Variants in CFDP1 observed in about 807,000 individuals in gnomAD.
CFDP1 encodes chromatin remodeling protein CFDP1.
CFDP1 carries 31 observed loss-of-function variants against 40.1 expected under a neutral mutation model. The ratio of observed to expected loss-of-function variants is 0.77; its 90% CI spans 0.58 to 1.04. The LOEUF (loss-of-function observed/expected upper bound fraction) is 1.04, where lower values mean the gene tolerates loss of function less well. CFDP1 is among the 50% of genes least tolerant of loss of function. The probability of loss-of-function intolerance (pLI) is 0.00; values close to 1 mark genes in which losing one functional copy is unlikely to be tolerated. For synonymous variants in CFDP1, 167 were observed against 120.0 expected (o/e 1.39, Z -2.56); for missense variants, 423 against 343.4 (o/e 1.23, Z -1.83).
At chr16:75,297,800 C>A (rs929437985) in intron 6 of CFDP1, among the ~76,000 whole-genome samples, 3 of 152,216 alleles carry the variant, frequency 2.0e-5, no homozygotes, top group Admixed American at 1.3e-4. Context: ...TCTTTTGAAT[C>A]TTCCAACCCA....
At chr16:75,339,994 T>C (rs1469586385) in intron 5 of CFDP1, among the ~76,000 whole-genome samples, 1 of 152,246 alleles carries the variant, frequency 6.6e-6, no homozygotes, top group Non-Finnish European at 1.5e-5. Context: ...TTATGATTTT[T>C]CTGGTTTTGT....
chr16:75,333,131 T>C (rs970987494), intron 5 of CFDP1, among the ~76,000 whole-genome samples: 11 of 145,550 alleles, frequency 7.6e-5, no homozygotes, highest in Admixed American at 6.9e-4. Context: ...TCTTTTTTTT[T>C]TTTTTTTTTT....
At chr16:75,425,736 TAAA>T (rs1168883052) in intron 1 of CFDP1, among the ~76,000 whole-genome samples, 1 of 151,612 alleles carries the variant, frequency 6.6e-6, no homozygotes, top group Non-Finnish European at 1.5e-5. Flanking sequence ...ACTGATTTTT[TAAA>T]AAAGTAAATG....
At chr16:75,358,197 G>C (rs1475350073) in intron 5 of CFDP1, among the ~76,000 whole-genome samples, 1 of 152,138 alleles carries the variant, frequency 6.6e-6, no homozygotes, top group Non-Finnish European at 1.5e-5. Context: ...AAATAGGACA[G>C]AGACATGAAG....
intron 5 of CFDP1, among the ~76,000 whole-genome samples, chr16:75,367,587 G>A (rs578182255): frequency 2.5e-4 from 38 of 152,114 alleles, no homozygotes; most frequent in African/African-American, 8.7e-4. Context: ...GAGGATAGGA[G>A]TTCAAGACCA....
Position 75,433,383 on chromosome 16 carries a change from C to A in CFDP1, c.-31G>T, listed in dbSNP as rs772105914. On this transcript the variant is annotated 5_prime_UTR_variant, in exon 1 of 7. Transcript: ENST00000283882. ...TGCCGCTCGACGCTGGTCAAACTCACAAGACCGCAGCAGCCGCCTCCAACG... is the reference window on the plus strand; with the variant it reads ...TGCCGCTCGACGCTGGTCAAACTCAAAAGACCGCAGCAGCCGCCTCCAACG... 1.9e-5 allele frequency: 30 copies of A among 1,571,226 alleles called. No individual in the cohort carries two copies. Among genetic ancestry groups the A allele is most frequent in the Non-Finnish European group, 2.6e-5 (30 of 1,158,410 alleles).
chr16:75,415,452 C>G (rs1945700412), intron 1 of CFDP1, among the ~76,000 whole-genome samples: 1 of 152,174 alleles, frequency 6.6e-6, no homozygotes, highest in Admixed American at 6.5e-5. Flanking sequence ...ACTTGCATAA[C>G]CAGGGCCCCA....
At chr16:75,350,149 T>G (rs759853145) in intron 5 of CFDP1, among the ~76,000 whole-genome samples, 1 of 152,202 alleles carries the variant, frequency 6.6e-6, no homozygotes, top group Non-Finnish European at 1.5e-5. Flanking sequence ...TGTTTATCAG[T>G]TGAAAGTCAT....
At chr16:75,406,161 G>A (rs1412237843) in intron 4 of CFDP1, among the ~76,000 whole-genome samples, 1 of 151,590 alleles carries the variant, frequency 6.6e-6, no homozygotes, top group Non-Finnish European at 1.5e-5. Flanking sequence ...GATCACTTGA[G>A]CCCAGGAGTT....
At chr16:75,356,856 C>G (rs1042968585) in intron 5 of CFDP1, among the ~76,000 whole-genome samples, 16 of 151,786 alleles carry the variant, frequency 1.1e-4, no homozygotes, top group African/African-American at 3.6e-4. Context: ...GCTTCCGCAT[C>G]AGAACTTGCT....
chr16:75,358,024 T>C (rs971700390), intron 5 of CFDP1, among the ~76,000 whole-genome samples: 3 of 152,220 alleles, frequency 2.0e-5, no homozygotes, highest in Admixed American at 2.0e-4. Context: ...TATTGTTTTG[T>C]CTCAGGGAAT....
intron 4 of CFDP1, among the ~76,000 whole-genome samples, chr16:75,397,459 T>C (rs1005960034): frequency 2.6e-5 from 4 of 151,742 alleles, no homozygotes; most frequent in Non-Finnish European, 5.9e-5. Context: ...TGAGCCAAGA[T>C]AGCATCACTG....
At chr16:75,346,182 GT>G (rs1482125446) in intron 5 of CFDP1, among the ~76,000 whole-genome samples, 1 of 152,182 alleles carries the variant, frequency 6.6e-6, no homozygotes, top group African/African-American at 2.4e-5. Context: ...GTGAGATTGT[GT>G]CCTGGATTCT....
intron 5 of CFDP1, among the ~76,000 whole-genome samples, chr16:75,305,991 T>C (rs1332970630): frequency 1.3e-5 from 2 of 152,178 alleles, no homozygotes. Flanking sequence ...TTTCCAGTCA[T>C]TGTTAAACAT....
chr16:75,429,980 G>A (rs755232407), intron 1 of CFDP1, among the ~76,000 whole-genome samples: 23 of 152,180 alleles, frequency 1.5e-4, no homozygotes, highest in Non-Finnish European at 2.6e-4. Context: ...AGGGAGGCAT[G>A]AGACATCAAT....
Position 75,433,426 on chromosome 16 carries a change from G to C in CFDP1, c.-74C>G. 6.9e-7 allele frequency: 1 copy of C among 1,442,840 alleles called. No individual in the cohort carries two copies. The allele number at this position is 1,442,840 out of a possible 1,614,324, so 89.4% of individuals were successfully genotyped here. ...CTCCAACGGCAAAGCTCTAGGGAGA[G>C]ACCATAGAGCCCCGGCGGCGGCGAC... On this transcript the variant is annotated 5_prime_UTR_variant, in exon 1 of 7. Coordinates refer to ENST00000283882, the MANE Select transcript of CFDP1 (RefSeq NM_006324.3).
At chr16:75,306,179 T>C (rs1363896890) in intron 5 of CFDP1, among the ~76,000 whole-genome samples, 1 of 152,176 alleles carries the variant, frequency 6.6e-6, no homozygotes, top group East Asian at 1.9e-4. Context: ...TGTCACATGG[T>C]CTACTGATAA....
chr16:75,406,916 G>C (rs941653536), intron 4 of CFDP1, among the ~76,000 whole-genome samples: 6 of 152,182 alleles, frequency 3.9e-5, no homozygotes, highest in Admixed American at 3.3e-4. Flanking sequence ...AACTACTCGA[G>C]AGACTGAGGC....
At chr16:75,418,306 C>CCT (rs371415679) in intron 1 of CFDP1, among the ~76,000 whole-genome samples, 44 of 107,140 alleles carry the variant, frequency 4.1e-4, no homozygotes, top group Non-Finnish European at 6.5e-4. Context: ...AACTCTAACC[C>CCT]TTTTTTTTTT....
Sources: gnomAD v4.1 joint callset for allele counts (sites outside exome capture counted in the v4.1 genomes callset) on GRCh38, gnomAD v4.1.1 for gene constraint, MANE v1.5 for transcripts, NCBI Gene and HGNC (gene_info 2026-07-23, HGNC 2026-07-21) for gene names.